TCF4: variants seen among roughly 807,000 people sequenced by gnomAD.
TCF4 encodes SL3-3 enhancer factor 2.
In TCF4, 3 loss-of-function variants were observed where a neutral mutation model predicts 82.1. The ratio of observed to expected loss-of-function variants is 0.04; its 90% CI spans 0.02 to 0.09. The LOEUF (loss-of-function observed/expected upper bound fraction) is 0.09. TCF4 is among the 10% of genes least tolerant of loss of function. The pLI is 1.00. For synonymous variants in TCF4, 276 were observed against 309.6 expected, an observed-to-expected ratio of 0.89 and a Z score of 1.14; for missense variants, 518 against 852.7, an observed-to-expected ratio of 0.61 and a Z score of 4.89.
intron 3 of TCF4, among the ~76,000 whole-genome samples, chr18:55,507,579 T>G (rs540466036): frequency 1.2e-4 from 19 of 152,280 alleles, no homozygotes; most frequent in African/African-American, 4.1e-4. Context: ...TGTATTCTAA[T>G]TATCTTTTTT....
At chr18:55,584,331 T>C (rs17598729) in intron 3 of TCF4, among the ~76,000 whole-genome samples, 21,024 of 152,128 alleles carry the variant, frequency 0.14, 1,861 homozygotes, top group Admixed American at 0.27. Context: ...GAATAGTACT[T>C]GGCCTAATGT....
chr18:55,543,109 TA>T (rs1318688410), intron 3 of TCF4, among the ~76,000 whole-genome samples: 1 of 152,078 alleles, frequency 6.6e-6, no homozygotes, highest in African/African-American at 2.4e-5. Flanking sequence ...GGGATGAAAT[TA>T]GTATCTTTGT....
intron 2 of TCF4, among the ~76,000 whole-genome samples, chr18:55,607,597 C>A (rs17089898): frequency 0.039 from 5,956 of 152,158 alleles, 341 homozygotes; most frequent in African/African-American, 0.12. Flanking sequence ...GAGTCCTAGC[C>A]CTAGGTCTGT....
At chr18:55,318,413 A>G (rs1306018148) in intron 8 of TCF4, among the ~76,000 whole-genome samples, 1 of 152,108 alleles carries the variant, frequency 6.6e-6, no homozygotes, top group Non-Finnish European at 1.5e-5. Context: ...TGCAAAAAAA[A>G]ATCTGTTTCG....
At chr18:55,612,059 C>T (rs931138994) in intron 2 of TCF4, among the ~76,000 whole-genome samples, 3 of 152,168 alleles carry the variant, frequency 2.0e-5, no homozygotes, top group Non-Finnish European at 4.4e-5. Flanking sequence ...GTGCAAGCCA[C>T]TGCACCCGGC....
At chr18:55,561,536 T>C (rs920245130) in intron 3 of TCF4, among the ~76,000 whole-genome samples, 1 of 152,188 alleles carries the variant, frequency 6.6e-6, no homozygotes, top group African/African-American at 2.4e-5. Context: ...AAACAATCTT[T>C]GTCCATAATG....
intron 3 of TCF4, among the ~76,000 whole-genome samples, chr18:55,512,081 G>A (rs1397950670): frequency 6.6e-6 from 1 of 151,970 alleles, no homozygotes; most frequent in Non-Finnish European, 1.5e-5. Flanking sequence ...ATACTATGTC[G>A]ACTACCACGT....
At chr18:55,553,557 T>C (rs2097278163) in intron 3 of TCF4, 1 of 152,234 alleles carries the variant, frequency 6.6e-6, no homozygotes, top group South Asian at 2.1e-4. Context: ...GTGGCAATTT[T>C]CAGCCAAGTC....
In TCF4 at chr18:55,564,185, C is replaced by T. The variant is rs1357408738; in HGVS notation, c.145+21095G>A. On this transcript the variant is annotated intron_variant, in intron 3 of 19. Transcript: ENST00000354452. ...GCAAAGGCCCTGAATCAAGAAAAAG[C>T]TTGACAAAGTCCAAAGCCTAGAAGA... Among the ~76,000 whole-genome samples, 4 of 152,176 alleles carry T rather than the reference C, an allele frequency of 2.6e-5. No individual in the cohort carries two copies. The East Asian group carries it at 5.8e-4, about 22-fold the overall frequency.
At chr18:55,487,600 T>C (rs968724035) in intron 3 of TCF4, among the ~76,000 whole-genome samples, 1 of 152,194 alleles carries the variant, frequency 6.6e-6, no homozygotes, top group Admixed American at 6.5e-5. Context: ...GTGATAGAAA[T>C]ATATTATTAC....
At chr18:55,344,338 C>T (rs1319008159) in intron 8 of TCF4, among the ~76,000 whole-genome samples, 1 of 152,066 alleles carries the variant, frequency 6.6e-6, no homozygotes, top group East Asian at 1.9e-4. Context: ...TACATTATTT[C>T]GTAAATATAA....
chr18:55,255,707 T>C (rs1162731941), intron 14 of TCF4, among the ~76,000 whole-genome samples: 1 of 152,110 alleles, frequency 6.6e-6, no homozygotes, highest in Non-Finnish European at 1.5e-5. Flanking sequence ...CGTACAGACA[T>C]GAAAATGAGG....
intron 3 of TCF4, among the ~76,000 whole-genome samples, chr18:55,548,082 G>A (rs1428446719): frequency 4.6e-5 from 7 of 152,218 alleles, no homozygotes; most frequent in Admixed American, 6.5e-5. Context: ...TTTAAAATGT[G>A]AATATGTAAA....
At chr18:55,612,018 G>T (rs1192240328) in intron 2 of TCF4, among the ~76,000 whole-genome samples, 4 of 152,108 alleles carry the variant, frequency 2.6e-5, no homozygotes, top group African/African-American at 9.7e-5. Flanking sequence ...TAATCCACCC[G>T]CCTTGGCCTC....
At chr18:55,490,394 A>T (rs2096563604) in intron 3 of TCF4, among the ~76,000 whole-genome samples, 1 of 152,202 alleles carries the variant, frequency 6.6e-6, no homozygotes. Context: ...ACTATATGGC[A>T]GGAGTAATAT....
intron 3 of TCF4, among the ~76,000 whole-genome samples, chr18:55,576,623 G>T (rs2097530369): frequency 6.6e-6 from 1 of 151,998 alleles, no homozygotes; most frequent in Non-Finnish European, 1.5e-5. Flanking sequence ...CTACCTACTT[G>T]TCAAAATTCT....
intron 3 of TCF4, among the ~76,000 whole-genome samples, chr18:55,582,565 G>C (rs1323845083): frequency 6.6e-6 from 1 of 152,090 alleles, no homozygotes; most frequent in Admixed American, 6.5e-5. Flanking sequence ...CTCCCTAGCA[G>C]CCTCACCATT....
intron 18 of TCF4, among the ~76,000 whole-genome samples, chr18:55,228,577 T>A (rs952087472): frequency 2.0e-5 from 3 of 152,086 alleles, no homozygotes; most frequent in Non-Finnish European, 4.4e-5. Context: ...TAAGCAAAGG[T>A]TGGTAAAGCA....
At chr18:55,482,153 T>C (rs1339948922) in intron 3 of TCF4, 1 of 152,226 alleles carries the variant, frequency 6.6e-6, no homozygotes, top group Non-Finnish European at 1.5e-5. Context: ...CCCTCACCTC[T>C]GACACTTCCA....
Sources: gnomAD v4.1 joint callset for allele counts (sites outside exome capture counted in the v4.1 genomes callset) on GRCh38, gnomAD v4.1.1 for gene constraint, MANE v1.5 for transcripts, NCBI Gene and HGNC (gene_info 2026-07-23, HGNC 2026-07-21) for gene names.